The following DYNC1I1 variants were observed in gnomAD, a reference collection of about 807,000 sequenced individuals.
The protein encoded by DYNC1I1 is dynein cytoplasmic 1 intermediate chain 1.
A neutral mutation model predicts 86.6 loss-of-function variants in DYNC1I1; 43 were observed. The observed-to-expected ratio is 0.50, with a 90% CI of 0.39 to 0.64. The LOEUF is 0.64. Among genes scored for constraint, DYNC1I1 ranks in the 30% least tolerant of loss-of-function variants. DYNC1I1 has a pLI of 0.00. For synonymous variants in DYNC1I1, 262 were observed against 283.7 expected, an observed-to-expected ratio of 0.92 and a Z score of 0.77; for missense variants, 604 against 788.8, an observed-to-expected ratio of 0.77 and a Z score of 2.81.
intron 14 of DYNC1I1, among the ~76,000 whole-genome samples, chr7:96,074,306 T>G (rs1215223972): frequency 2.6e-5 from 4 of 152,050 alleles, no homozygotes; most frequent in African/African-American, 9.7e-5. Context: ...TCCCAGCACT[T>G]TGGGAGGCCA....
chr7:96,015,469 T>C (rs918767718), intron 10 of DYNC1I1, among the ~76,000 whole-genome samples: 19 of 152,108 alleles, frequency 1.2e-4, no homozygotes, highest in Non-Finnish European at 2.5e-4. Context: ...AAATAGTATT[T>C]CCCTTGTGGA....
intron 15 of DYNC1I1, among the ~76,000 whole-genome samples, chr7:96,079,123 T>C (rs1240949337): frequency 6.6e-6 from 1 of 152,146 alleles, no homozygotes; most frequent in Non-Finnish European, 1.5e-5. Flanking sequence ...ACATAGATTC[T>C]TATATATGAT....
At chr7:95,973,292 G>T (rs941576989) in intron 6 of DYNC1I1, among the ~76,000 whole-genome samples, 2 of 152,164 alleles carry the variant, frequency 1.3e-5, no homozygotes, top group African/African-American at 4.8e-5. Flanking sequence ...ATATCAGTAT[G>T]CAGAGAAACA....
intron 14 of DYNC1I1, among the ~76,000 whole-genome samples, chr7:96,055,485 A>C (rs1309216202): frequency 6.6e-6 from 1 of 152,244 alleles, no homozygotes; most frequent in East Asian, 1.9e-4. Flanking sequence ...TTCTTTACAA[A>C]GTACCAGAAG....
intron 7 of DYNC1I1, 141 bp downstream of exon 7, chr7:95,977,742 T>A: frequency 1.6e-6 from 1 of 625,408 alleles, no homozygotes; most frequent in Non-Finnish European, 2.6e-6. Flanking sequence ...TTCAATACAT[T>A]ACATTTAGCA....
intron 5 of DYNC1I1, among the ~76,000 whole-genome samples, chr7:95,842,076 G>A (rs1323286118): frequency 6.6e-6 from 1 of 152,210 alleles, no homozygotes; most frequent in Non-Finnish European, 1.5e-5. Context: ...TCCTCAGGGA[G>A]AAACTGAGAG....
At chr7:95,801,379 G>T (rs1794574251) in intron 1 of DYNC1I1, among the ~76,000 whole-genome samples, 1 of 152,154 alleles carries the variant, frequency 6.6e-6, no homozygotes, top group South Asian at 2.1e-4. Context: ...AATTTTCTGA[G>T]AATACATTTT....
chr7:96,040,095 A>G (rs1354644643), intron 14 of DYNC1I1, among the ~76,000 whole-genome samples: 1 of 151,900 alleles, frequency 6.6e-6, no homozygotes, highest in Non-Finnish European at 1.5e-5. Context: ...TTAGCTACAT[A>G]TGGTGGTACA....
chr7:96,048,016 G>C (rs1584276770), intron 14 of DYNC1I1, among the ~76,000 whole-genome samples: 1 of 152,072 alleles, frequency 6.6e-6, no homozygotes, highest in Admixed American at 6.6e-5. Flanking sequence ...GAAGTGGAGG[G>C]AGAAGGAGGA....
At chr7:95,846,052 G>T (rs1384395993) in intron 5 of DYNC1I1, among the ~76,000 whole-genome samples, 1 of 152,126 alleles carries the variant, frequency 6.6e-6, no homozygotes, top group Non-Finnish European at 1.5e-5. Flanking sequence ...GTGACTTGAA[G>T]AATTCTATAA....
At chr7:95,779,058 A>G (rs1010008035) in intron 1 of DYNC1I1, among the ~76,000 whole-genome samples, 3 of 152,150 alleles carry the variant, frequency 2.0e-5, no homozygotes, top group South Asian at 4.2e-4. Context: ...TATTATCTCA[A>G]TTGGGGAAAA....
chr7:95,784,614 G>A (rs142802476), intron 1 of DYNC1I1, among the ~76,000 whole-genome samples: 1 of 152,282 alleles, frequency 6.6e-6, no homozygotes, highest in Non-Finnish European at 1.5e-5. Flanking sequence ...ATAGTTATGA[G>A]GACACTTACC....
In DYNC1I1 at chr7:95,983,016, T is replaced by C. The variant is rs113776917; in HGVS notation, c.581-1799T>C. On this transcript the variant is annotated intron_variant, in intron 7 of 16. Transcript: ENST00000447467. ...TTAGGTATCATCCCCATTTCATAGATAAAACTACTGCTCAAAGAGCTTCAG... is the reference window on the plus strand; with the variant it reads ...TTAGGTATCATCCCCATTTCATAGACAAAACTACTGCTCAAAGAGCTTCAG... Among the ~76,000 whole-genome samples the C allele has an allele frequency of 2.1e-3, 324 of 152,300 alleles. 2 individuals are homozygous for C. Among genetic ancestry groups the C allele is most frequent in the African/African-American group, 7.6e-3 (314 of 41,580 alleles).
chr7:95,980,536 CTTTTTTTTTTTTTT>C (rs56835338), intron 7 of DYNC1I1, among the ~76,000 whole-genome samples: 2 of 54,440 alleles, frequency 3.7e-5, no homozygotes, highest in African/African-American at 7.7e-5. Flanking sequence ...AGAAATCTGG[CTTTTTTTTTTTTTT>C]TTTTTTTTTT....
chr7:95,797,928 G>T (rs922155355), intron 1 of DYNC1I1, among the ~76,000 whole-genome samples: 3 of 151,694 alleles, frequency 2.0e-5, no homozygotes, highest in Non-Finnish European at 4.4e-5. Flanking sequence ...AAATGTAAAA[G>T]AATTACACTC....
At chr7:95,835,916 C>G (rs1276669582) in intron 5 of DYNC1I1, among the ~76,000 whole-genome samples, 1 of 152,162 alleles carries the variant, frequency 6.6e-6, no homozygotes, top group Non-Finnish European at 1.5e-5. Context: ...TGGGTCTTGA[C>G]TCTTTATCCA....
At chr7:96,010,783 A>G (rs958127032) in intron 10 of DYNC1I1, among the ~76,000 whole-genome samples, 1 of 152,232 alleles carries the variant, frequency 6.6e-6, no homozygotes, top group Non-Finnish European at 1.5e-5. Flanking sequence ...GTAGCTCAAA[A>G]TCTAGCACAA....
intron 6 of DYNC1I1, among the ~76,000 whole-genome samples, chr7:95,935,786 A>G (rs1047772557): frequency 4.6e-5 from 7 of 152,046 alleles, no homozygotes; most frequent in South Asian, 2.1e-4. Context: ...TGATTAAGAA[A>G]TGGACGACAG....
At chr7:95,943,087 C>T (rs2116453151) in intron 6 of DYNC1I1, among the ~76,000 whole-genome samples, 1 of 133,582 alleles carries the variant, frequency 7.5e-6, no homozygotes, top group African/African-American at 2.8e-5. Context: ...CAAATTGTCC[C>T]TGTTTGCAGA....
Sources: gnomAD v4.1 joint callset for allele counts (sites outside exome capture counted in the v4.1 genomes callset) on GRCh38, gnomAD v4.1.1 for gene constraint, MANE v1.5 for transcripts, NCBI Gene and HGNC (gene_info 2026-07-23, HGNC 2026-07-21) for gene names.